The following PRXL2A variants were observed in gnomAD, a reference collection of about 807,000 sequenced individuals.
The protein encoded by PRXL2A is peroxiredoxin-like 2A.
A neutral mutation model predicts 25.6 loss-of-function variants in PRXL2A; 26 were observed. The observed-to-expected ratio is 1.02, with a 90% CI of 0.74 to 1.41. PRXL2A has a LOEUF of 1.41. Among genes scored for constraint, PRXL2A ranks in the 40% most tolerant of loss-of-function variants. The pLI, the probability that PRXL2A is intolerant of heterozygous loss-of-function variation, is 0.00. For synonymous variants in PRXL2A, 98 were observed against 102.9 expected, an observed-to-expected ratio of 0.95 and a Z score of 0.29; for missense variants, 246 against 273.9, an observed-to-expected ratio of 0.90 and a Z score of 0.72.
chr10:80,416,068 C>T (rs1231162570), intron 1 of PRXL2A, among the ~76,000 whole-genome samples: 1 of 152,196 alleles, frequency 6.6e-6, no homozygotes, highest in Non-Finnish European at 1.5e-5. Context: ...CATAAAGGTA[C>T]AGAAGTTGTT....
Position 80,434,966 on chromosome 10 carries a change from C to A in PRXL2A, c.*2867C>A, listed in dbSNP as rs1188127664. 3 of 152,276 alleles carry A rather than the reference C, an allele frequency of 2.0e-5. No individual in the cohort carries two copies. Among genetic ancestry groups the A allele is most frequent in the Non-Finnish European group, 4.4e-5 (3 of 68,076 alleles). 9.4% of individuals were successfully genotyped at this position (152,276 alleles called of 1,614,324 possible). On this transcript the variant is annotated 3_prime_UTR_variant, in exon 6 of 6. Transcript: ENST00000606162. Reference sequence around the variant, plus strand: ...CCATGGCTCATGCCTATAATCCCAGCACTTTGGGTGGCCAAGGTGGGTGCA... The same window carrying A: ...CCATGGCTCATGCCTATAATCCCAGAACTTTGGGTGGCCAAGGTGGGTGCA...
intron 1 of PRXL2A, among the ~76,000 whole-genome samples, chr10:80,413,426 C>T (rs890917290): frequency 6.6e-6 from 1 of 152,142 alleles, no homozygotes; most frequent in Non-Finnish European, 1.5e-5. Flanking sequence ...TGCCAGCTGA[C>T]TTTCCAGGCC....
chr10:80,421,112 T>C (rs1396003895), intron 2 of PRXL2A, among the ~76,000 whole-genome samples: 1 of 152,242 alleles, frequency 6.6e-6, no homozygotes, highest in Non-Finnish European at 1.5e-5. Flanking sequence ...TCCATGCTCC[T>C]GATGCTCAGC....
chr10:80,432,431 G>A lies in PRXL2A; in HGVS notation c.*332G>A, dbSNP rs7087581. 7.0e-3 allele frequency: 1,365 copies of A among 194,682 alleles called. 15 individuals carry two copies. The highest frequency in any genetic ancestry group is 0.031 in the African/African-American group (1,298 of 42,422). The allele number at this position is 194,682 out of a possible 1,614,324, so 12.1% of individuals were successfully genotyped here. On this transcript the variant is annotated 3_prime_UTR_variant, in exon 6 of 6. Coordinates refer to ENST00000606162, the MANE Select transcript of PRXL2A (RefSeq NM_032333.5). ...CAAGGTGAGCAAGTCACTTGAGGTC[G>A]GGAGTTCGAGACCAGCCTGAGCAAC...
chr10:80,426,480 T>A (rs1845046908), intron 4 of PRXL2A, among the ~76,000 whole-genome samples: 1 of 152,220 alleles, frequency 6.6e-6, no homozygotes, highest in Admixed American at 6.5e-5. Flanking sequence ...TAAATGCATT[T>A]CAATATAAGA....
chr10:80,418,066 A>AT (rs999669796), intron 1 of PRXL2A, among the ~76,000 whole-genome samples: 21 of 149,770 alleles, frequency 1.4e-4, no homozygotes, highest in African/African-American at 4.2e-4. Context: ...TGGGGTACAT[A>AT]TGCATATTTG....
intron 1 of PRXL2A, among the ~76,000 whole-genome samples, chr10:80,414,498 A>G (rs1005046113): frequency 2.6e-5 from 4 of 152,328 alleles, no homozygotes; most frequent in African/African-American, 7.2e-5. Flanking sequence ...CAAGGTGATT[A>G]AAAACACATT....
At chr10:80,426,236 G>A (rs1218256060) in intron 4 of PRXL2A, among the ~76,000 whole-genome samples, 2 of 152,204 alleles carry the variant, frequency 1.3e-5, no homozygotes, top group African/African-American at 4.8e-5. Flanking sequence ...TTGACTTAAC[G>A]ATCTTTCAGC....
At chr10:80,423,970 T>C (rs1220935347) in intron 3 of PRXL2A, among the ~76,000 whole-genome samples, 3 of 152,100 alleles carry the variant, frequency 2.0e-5, no homozygotes, top group Non-Finnish European at 4.4e-5. Context: ...TTCCTCTATT[T>C]TTAGGTCAGC....
At chr10:80,424,568 A>G (rs1844973994) in intron 3 of PRXL2A, among the ~76,000 whole-genome samples, 1 of 133,226 alleles carries the variant, frequency 7.5e-6, no homozygotes, top group Admixed American at 7.8e-5. Context: ...ACAGGGCAAG[A>G]CTCAAAAAAA....
At chr10:80,418,995 C>CTT (rs11458597) in intron 1 of PRXL2A, among the ~76,000 whole-genome samples, 1 of 151,302 alleles carries the variant, frequency 6.6e-6, no homozygotes, top group African/African-American at 2.4e-5. Context: ...TCTTTTCTTT[C>CTT]TTTTTTTTTG....
intron 1 of PRXL2A, chr10:80,413,866 C>T (rs1261703047): frequency 2.4e-6 from 3 of 1,235,878 alleles, no homozygotes; most frequent in Non-Finnish European, 3.1e-6. Context: ...GAGGTGTGGA[C>T]GCTGTGTATG....
intron 1 of PRXL2A, among the ~76,000 whole-genome samples, chr10:80,416,373 T>G (rs932675982): frequency 4.6e-5 from 7 of 152,184 alleles, no homozygotes; most frequent in Non-Finnish European, 8.8e-5. Flanking sequence ...CTGCAGAATG[T>G]CACCAAAGGA....
intron 1 of PRXL2A, among the ~76,000 whole-genome samples, chr10:80,411,326 T>C (rs1844469754): frequency 6.6e-6 from 1 of 152,222 alleles, no homozygotes; most frequent in Non-Finnish European, 1.5e-5. Flanking sequence ...GAGAGGCTGA[T>C]GATGTTCTCT....
intron 1 of PRXL2A, chr10:80,413,757 A>G: frequency 1.2e-6 from 1 of 849,228 alleles, no homozygotes; most frequent in Non-Finnish European, 1.4e-6. Flanking sequence ...CTATGGAGTG[A>G]CTGAGCCTAG....
chr10:80,417,817 T>G (rs910895979), intron 1 of PRXL2A, among the ~76,000 whole-genome samples: 1 of 150,384 alleles, frequency 6.6e-6, no homozygotes, highest in Non-Finnish European at 1.5e-5. Flanking sequence ...TTCTGGGCTA[T>G]AGTGATCCTA....
rs1845358677 is a variant in PRXL2A, at chr10:80,434,781, T to C, written c.*2682T>C. On this transcript the variant is annotated 3_prime_UTR_variant, in exon 6 of 6. Transcript: ENST00000606162. Reference sequence around the variant, plus strand: ...CCACAGAGACCAGGAGTCGGCCTTATCATTCCTGATAATTATATGACAAAG... The same window carrying C: ...CCACAGAGACCAGGAGTCGGCCTTACCATTCCTGATAATTATATGACAAAG... 1 of 152,124 alleles carries C rather than the reference T, an allele frequency of 6.6e-6. No homozygotes were observed. The highest frequency in any genetic ancestry group is 2.1e-4 in the South Asian group (1 of 4,816). The allele number at this position is 152,124 out of a possible 1,614,324, so 9.4% of individuals were successfully genotyped here. A position where few individuals can be genotyped will look rare whatever the true frequency, so the allele number is the denominator to read the frequency against.
At chr10:80,423,993 G>A (rs909993390) in intron 3 of PRXL2A, among the ~76,000 whole-genome samples, 1 of 152,072 alleles carries the variant, frequency 6.6e-6, no homozygotes, top group Non-Finnish European at 1.5e-5. Flanking sequence ...TGGCTGGCAA[G>A]TCAGCAACAG....
intron 1 of PRXL2A, among the ~76,000 whole-genome samples, chr10:80,415,055 G>A (rs563811871): frequency 6.6e-6 from 1 of 152,184 alleles, no homozygotes; most frequent in Non-Finnish European, 1.5e-5. Context: ...CAGGGGACTT[G>A]GATAAGAGGC....
Sources: allele counts gnomAD v4.1 joint callset (sites outside exome capture counted in the v4.1 genomes callset), GRCh38; gene constraint gnomAD v4.1.1; transcripts MANE v1.5; gene names NCBI Gene and HGNC (gene_info 2026-07-23, HGNC 2026-07-21).